The following CFAP299 variants were observed in gnomAD, a reference collection of about 807,000 sequenced individuals.
CFAP299 encodes cilia and flagella associated protein 299, also known as cilia- and flagella-associated protein 299.
Under a neutral mutation model 27.0 loss-of-function variants are expected in CFAP299, and 21 were observed. The observed-to-expected ratio is 0.78, with a 90% CI of 0.55 to 1.12. CFAP299 has a LOEUF of 1.12. Ranked by LOEUF, CFAP299 falls within the 50% of genes most tolerant of loss-of-function variation. The probability of loss-of-function intolerance (pLI) is 0.00; values close to 1 mark genes in which losing one functional copy is unlikely to be tolerated. For missense variants in CFAP299, 310 were observed against 276.6 expected (o/e 1.12, Z -0.86); for synonymous variants, 104 against 98.1 (o/e 1.06, Z -0.36).
At chr4:80,520,504 A>G (rs1242909540) in intron 2 of CFAP299, among the ~76,000 whole-genome samples, 1 of 152,190 alleles carries the variant, frequency 6.6e-6, no homozygotes, top group East Asian at 1.9e-4. Context: ...TGGAAATGTC[A>G]AAGCATTTCT....
chr4:80,515,237 C>T (rs1732521267), intron 2 of CFAP299, among the ~76,000 whole-genome samples: 1 of 152,068 alleles, frequency 6.6e-6, no homozygotes, highest in Admixed American at 6.6e-5. Flanking sequence ...TTGAGGAAGA[C>T]ATCTAGAAAT....
At chr4:80,735,723 TAAG>T (rs1443158159) in intron 3 of CFAP299, among the ~76,000 whole-genome samples, 3 of 152,314 alleles carry the variant, frequency 2.0e-5, no homozygotes, top group East Asian at 3.9e-4. Context: ...ATTCTGTTGA[TAAG>T]ATATATCAGA....
intron 3 of CFAP299, among the ~76,000 whole-genome samples, chr4:80,688,998 G>C (rs1472830528): frequency 2.0e-5 from 3 of 152,056 alleles, no homozygotes; most frequent in Admixed American, 1.3e-4. Flanking sequence ...AGAGAAAAAA[G>C]ATAAAAAGAA....
chr4:80,499,091 C>T (rs1406514444), intron 2 of CFAP299, among the ~76,000 whole-genome samples: 1 of 151,892 alleles, frequency 6.6e-6, no homozygotes, highest in Admixed American at 6.6e-5. Flanking sequence ...CCAGGGCCTA[C>T]TTGAGGGTGG....
In CFAP299 at chr4:80,756,732, G is replaced by C. The variant is rs7669175; in HGVS notation, c.334-113261G>C. Among the ~76,000 whole-genome samples, 482 of 152,152 alleles carry C rather than the reference G, an allele frequency of 3.2e-3. 4 individuals are homozygous for C. Among genetic ancestry groups the C allele is most frequent in the Middle Eastern group, 0.014 (4 of 294 alleles). The stretch of plus-strand genomic sequence containing the variant: ...GAGTTGAGTAGTTGGTTGTCACAGA[G>C]CTATATGGCCCACAAAGCCTGAAAT... On this transcript the variant is annotated intron_variant, in intron 3 of 5. Transcript: ENST00000358105.
intron 3 of CFAP299, among the ~76,000 whole-genome samples, chr4:80,620,892 G>A (rs1738563986): frequency 6.6e-6 from 1 of 152,070 alleles, no homozygotes; most frequent in Non-Finnish European, 1.5e-5. Context: ...GTTGGTTTAT[G>A]ATGAAAACTA....
At chr4:80,800,688 A>C (rs1363622614) in intron 3 of CFAP299, among the ~76,000 whole-genome samples, 1 of 116,594 alleles carries the variant, frequency 8.6e-6, no homozygotes, top group African/African-American at 3.4e-5. Context: ...ATGATATATT[A>C]TATATATTTA....
chr4:80,435,098 T>G (rs1284650164), intron 2 of CFAP299, among the ~76,000 whole-genome samples: 1 of 152,152 alleles, frequency 6.6e-6, no homozygotes, highest in Non-Finnish European at 1.5e-5. Context: ...TACTATAATT[T>G]GAGGACTTTA....
At chr4:80,351,591 G>A (rs1723017292) in intron 1 of CFAP299, among the ~76,000 whole-genome samples, 1 of 151,654 alleles carries the variant, frequency 6.6e-6, no homozygotes, top group Admixed American at 6.6e-5. Context: ...GAAATAACAA[G>A]GTAGTATATT....
intron 3 of CFAP299, among the ~76,000 whole-genome samples, chr4:80,864,666 T>G (rs1407256147): frequency 2.0e-5 from 3 of 151,522 alleles, no homozygotes; most frequent in African/African-American, 7.3e-5. Flanking sequence ...AACCCTAACA[T>G]AACTATATAC....
chr4:80,842,753 G>A (rs556253207), intron 3 of CFAP299, among the ~76,000 whole-genome samples: 1 of 152,074 alleles, frequency 6.6e-6, no homozygotes, highest in Non-Finnish European at 1.5e-5. Context: ...TGACACCAGA[G>A]ATTGCCAACA....
intron 3 of CFAP299, among the ~76,000 whole-genome samples, chr4:80,627,591 C>A (rs1738976265): frequency 6.6e-6 from 1 of 151,590 alleles, no homozygotes; most frequent in African/African-American, 2.4e-5. Flanking sequence ...ACAGAAAATT[C>A]TAAAGACTTT....
intron 3 of CFAP299, among the ~76,000 whole-genome samples, chr4:80,724,846 ATTCCTTCCTTCCT>A (rs1198472952): frequency 3.2e-5 from 4 of 123,500 alleles, no homozygotes; most frequent in African/African-American, 6.0e-5. Flanking sequence ...TATTTCCTTC[ATTCCTTCCTTCCT>A]TTCCTTCCTT....
chr4:80,448,118 CA>C (rs1364790629), intron 2 of CFAP299, among the ~76,000 whole-genome samples: 1 of 152,202 alleles, frequency 6.6e-6, no homozygotes, highest in Admixed American at 6.5e-5. Flanking sequence ...CACTTCGTGG[CA>C]ATATTGCAGA....
chr4:80,922,317 AT>A (rs1185389327), intron 4 of CFAP299, among the ~76,000 whole-genome samples: 1 of 151,996 alleles, frequency 6.6e-6, no homozygotes, highest in African/African-American at 2.4e-5. Flanking sequence ...TGGTTGGGAG[AT>A]AAGCTTTTAC....
At chr4:80,374,144 A>G (rs1221896559) in intron 2 of CFAP299, among the ~76,000 whole-genome samples, 1 of 152,124 alleles carries the variant, frequency 6.6e-6, no homozygotes, top group East Asian at 1.9e-4. Context: ...ACCAGAATGC[A>G]ATGCCCTGTG....
At chr4:80,455,900 A>T (rs887666239) in intron 2 of CFAP299, among the ~76,000 whole-genome samples, 1 of 152,194 alleles carries the variant, frequency 6.6e-6, no homozygotes, top group African/African-American at 2.4e-5. Context: ...CAAAAAATCC[A>T]TGTATCCACA....
intron 4 of CFAP299, chr4:80,871,956 C>T (rs1489738505): frequency 1.4e-5 from 2 of 142,386 alleles, no homozygotes; most frequent in Non-Finnish European, 3.0e-5. Context: ...TGACCTCTTG[C>T]ATGCTTTTTT....
At chr4:80,387,144 A>G in intron 2 of CFAP299, 1 of 1,389,488 alleles carries the variant, frequency 7.2e-7, no homozygotes, top group Non-Finnish European at 1.0e-6. Context: ...ACACACTTGT[A>G]GACGGCACTG....
Sources: allele counts gnomAD v4.1 joint callset (sites outside exome capture counted in the v4.1 genomes callset), GRCh38; gene constraint gnomAD v4.1.1; transcripts MANE v1.5; gene names NCBI Gene and HGNC (gene_info 2026-07-23, HGNC 2026-07-21).